TJP2: variants seen among roughly 807,000 people sequenced by gnomAD.
TJP2 encodes the protein tight junction protein 2.
Under a neutral mutation model 133.1 loss-of-function variants are expected in TJP2, and 91 were observed. The ratio of observed to expected loss-of-function variants is 0.68; its 90% CI spans 0.58 to 0.81. The LOEUF (loss-of-function observed/expected upper bound fraction) is 0.81. Ranked by LOEUF, TJP2 falls within the 40% of genes least tolerant of loss-of-function variation. The probability of loss-of-function intolerance (pLI) is 0.00; values close to 1 mark genes in which losing one functional copy is unlikely to be tolerated. For synonymous variants in TJP2, 592 were observed against 583.4 expected (o/e 1.01, Z -0.21); for missense variants, 1,541 against 1,565.6 (o/e 0.98, Z 0.26).
intron 11 of TJP2, 69 bp from the exon 12 acceptor site, chr9:69,234,370 T>TTTTGTTTCTTTC: frequency 9.0e-7 from 1 of 1,117,174 alleles, no homozygotes; most frequent in Non-Finnish European, 1.3e-6. Flanking sequence ...CTTCTCTGTT[T>TTTTGTTTCTTTC]TTTCTTTCTT....
rs369180347 is a variant in TJP2, at chr9:69,234,553, C to A, written c.1780+6C>A. On this transcript the variant is annotated splice_donor_region_variant and intron_variant, in intron 12 of 22. Transcript: ENST00000377245. ...AGCTCAGAGCCGAGCCGATGGTGAG[C>A]AAATTTGGTCATTTAGTTTAGTTGG... The A allele has an allele frequency of 4.4e-5, 30 of 677,972 alleles. No homozygotes were observed. The African/African-American group carries it at 4.9e-4, about 11-fold the overall frequency. 42.0% of individuals were successfully genotyped at this position (677,972 alleles called of 1,614,324 possible). A position where few individuals can be genotyped will look rare whatever the true frequency, so the allele number is the denominator to read the frequency against.
At chr9:69,140,283 G>A (rs773971967) in intron 1 of TJP2, among the ~76,000 whole-genome samples, 2 of 152,208 alleles carry the variant, frequency 1.3e-5, no homozygotes, top group South Asian at 4.1e-4. Context: ...TGCTTTCCAT[G>A]TAATAACTGG....
rs11308693 is a variant in TJP2, at chr9:69,221,863, C to CTT, written c.952+385_952+386dup. Among the ~76,000 whole-genome samples, 620 of 112,236 alleles carry CTT rather than the reference C, an allele frequency of 5.5e-3. 12 individuals carry two copies. Among genetic ancestry groups the CTT allele is most frequent in the South Asian group, 0.029 (93 of 3,188 alleles). 73.6% of individuals were successfully genotyped at this position (112,236 alleles called of 152,430 possible). On this transcript the variant is annotated intron_variant, in intron 5 of 22. Transcript: ENST00000377245. ...CACCACGCCTGGCCAGGAATAGCTACTTTTTTTTTTTTTTTTTTTGAGACG... is the reference window on the plus strand; with the variant it reads ...CACCACGCCTGGCCAGGAATAGCTACTTTTTTTTTTTTTTTTTTTTTGAGACG...
Position 69,137,851 on chromosome 9 carries a change from C to A in TJP2, c.-130-13800C>A, listed in dbSNP as rs62567101. On this transcript the variant is annotated intron_variant, in intron 1 of 5. Coordinates refer to the TJP2 transcript ENST00000423935. ...GGTAATATCTCAGCAGGCTCCATTT[C>A]TTTCTCGTGACAATGTGCAGTCATT... Among the ~76,000 whole-genome samples the A allele has an allele frequency of 7.5e-4, 114 of 152,276 alleles. No individual in the cohort carries two copies. The Middle Eastern group carries it at 0.01, about 14-fold the overall frequency.
Position 69,237,064 on chromosome 9 carries a change from C to G in TJP2, c.2107C>G (p.Arg703Gly). The G allele has an allele frequency of 6.2e-7, 1 of 1,614,118 alleles. No homozygotes were observed. The highest frequency in any genetic ancestry group is 8.5e-7 in the Non-Finnish European group (1 of 1,180,032). Residue 703 changes from arginine to glycine, a missense_variant, in exon 14 of 23, where the codon CGG becomes GGG. By Grantham distance (125) the Arg-to-Gly change is moderately radical (BLOSUM62 -2). Transcript: ENST00000377245. Reference sequence around the variant, plus strand: ...GGTGAAGAAGAACCTGAGGAAAAGTCGGGAAGACCTCACAGCTGTTGTGTC... The same window carrying G: ...GGTGAAGAAGAACCTGAGGAAAAGTGGGGAAGACCTCACAGCTGTTGTGTC... Reference protein sequence around the residue: ...SGVKKNLRKSREDLTAVVSVS... With the variant: ...SGVKKNLRKSGEDLTAVVSVS...
At chr9:69,225,850 A>T (rs960868721) in intron 6 of TJP2, among the ~76,000 whole-genome samples, 172 bp from the exon 7 acceptor site, 1 of 152,232 alleles carries the variant, frequency 6.6e-6, no homozygotes, top group Non-Finnish European at 1.5e-5. Flanking sequence ...GGATCCAGGC[A>T]TGCAGGATTA....
rs199704587 is a variant in TJP2, at chr9:69,249,378, A to C, written c.2884A>C (p.Ile962Leu). 1.2e-6 allele frequency: 2 copies of C among 1,608,470 alleles called. No homozygotes were observed. Among genetic ancestry groups the C allele is most frequent in the East Asian group, 4.5e-5 (2 of 44,752 alleles). ...SSEPVQHEES[I>L]RKPSPEPRAQ... The stretch of plus-strand genomic sequence containing the variant: ...AATGAACCTTTATGTCTTGTAGAGC[A>C]TAAGGAAACCCAGCCCAGAGCCACG... Residue 962 changes from isoleucine to leucine, a missense_variant, in exon 20 of 23, where the codon ATA becomes CTA. Ile to Leu is a conservative substitution (Grantham distance 5, BLOSUM62 2). Transcript: ENST00000377245.
upstream of TJP2, chr9:69,173,987 G>A: frequency 6.1e-6 from 6 of 985,284 alleles, no homozygotes; most frequent in Non-Finnish European, 7.2e-6. Flanking sequence ...GGGGGCTGCG[G>A]GCCGCTCGGG....
intron 1 of TJP2, among the ~76,000 whole-genome samples, chr9:69,191,122 T>C (rs1826175763): frequency 7.9e-6 from 1 of 125,968 alleles, no homozygotes; most frequent in South Asian, 2.5e-4. Flanking sequence ...AAGGGTTGGA[T>C]CTGAGCACTG....
intron 17 of TJP2, among the ~76,000 whole-genome samples, chr9:69,245,808 T>C (rs1298971535): frequency 1.3e-5 from 2 of 152,242 alleles, no homozygotes; most frequent in Non-Finnish European, 2.9e-5. Flanking sequence ...AGTGCTATTA[T>C]GTAAGATATA....
intron 1 of TJP2, chr9:69,205,381 A>G (rs768853489): frequency 2.1e-6 from 3 of 1,461,048 alleles, no homozygotes; most frequent in Non-Finnish European, 2.7e-6. Context: ...GTGAGATTGT[A>G]GGTTGTAGTC....
chr9:69,196,946 T>TACACGCACACACAC (rs1826613461), intron 1 of TJP2, among the ~76,000 whole-genome samples: 1 of 134,170 alleles, frequency 7.5e-6, no homozygotes, highest in Admixed American at 7.4e-5. Flanking sequence ...TGTGTGTGTG[T>TACACGCACACACAC]ACACACACAC....
At chr9:69,188,191 GT>G (rs1466901172) in intron 1 of TJP2, among the ~76,000 whole-genome samples, 6 of 152,206 alleles carry the variant, frequency 3.9e-5, no homozygotes, top group Non-Finnish European at 7.3e-5. Context: ...GGTGTGGTTT[GT>G]TTTGCTGTAA....
In TJP2 at chr9:69,246,918, A is replaced by G. The variant is rs988539643; in HGVS notation, c.2667+128A>G. The stretch of plus-strand genomic sequence containing the variant: ...CTCACATGTGTGCTAATCAAGTTTG[A>G]AATTTCGTAAATTCTCTGACCAAGT... On this transcript the variant is annotated intron_variant, in intron 18 of 22. Transcript: ENST00000377245. 4.8e-6 allele frequency: 4 copies of G among 830,658 alleles called. No individual in the cohort carries two copies. In the African/African-American group the frequency reaches 6.8e-5, roughly 14 times the overall value. 51.5% of individuals were successfully genotyped at this position (830,658 alleles called of 1,614,324 possible).
intron 2 of TJP2, among the ~76,000 whole-genome samples, chr9:69,167,257 T>A (rs539627700): frequency 1.3e-5 from 2 of 152,044 alleles, no homozygotes. Flanking sequence ...TAAAAATAAA[T>A]AAATAAAAAT....
rs1831603471 is a variant in TJP2, at chr9:69,255,108, A to T, written c.*734A>T. On this transcript the variant is annotated 3_prime_UTR_variant, in exon 23 of 23. Coordinates refer to ENST00000377245, the MANE Select transcript of TJP2 (RefSeq NM_004817.4). The stretch of plus-strand genomic sequence containing the variant: ...TTGTTTGTTTAAACCCAAGTGCTGC[A>T]CAAAAGCAGATACTTGAGGAAAACA... The T allele has an allele frequency of 6.5e-6, 1 of 153,094 alleles. No individual in the cohort carries two copies. Among genetic ancestry groups the T allele is most frequent in the Admixed American group, 6.5e-5 (1 of 15,306 alleles). 9.5% of individuals were successfully genotyped at this position (153,094 alleles called of 1,614,324 possible). A position where few individuals can be genotyped will look rare whatever the true frequency, so the allele number is the denominator to read the frequency against.
chr9:69,254,694 G>A lies in TJP2; in HGVS notation c.*320G>A. Reference sequence around the variant, plus strand: ...GTACTTGTAATATGTATATTAAGAAGCAATAACTATTTTTCCTCATTAATA... The same window carrying A: ...GTACTTGTAATATGTATATTAAGAAACAATAACTATTTTTCCTCATTAATA... On this transcript the variant is annotated 3_prime_UTR_variant, in exon 23 of 23. Coordinates refer to ENST00000377245, the MANE Select transcript of TJP2 (RefSeq NM_004817.4). 1 of 571,530 alleles carries A rather than the reference G, an allele frequency of 1.7e-6. No homozygotes were observed. Among genetic ancestry groups the A allele is most frequent in the Non-Finnish European group, 3.1e-6 (1 of 322,048 alleles). The allele number at this position is 571,530 out of a possible 1,614,324, so 35.4% of individuals were successfully genotyped here.
At chr9:69,136,404 A>T (rs778455061) in intron 1 of TJP2, among the ~76,000 whole-genome samples, 3 of 152,216 alleles carry the variant, frequency 2.0e-5, no homozygotes, top group Non-Finnish European at 4.4e-5. Flanking sequence ...TAAAATGTAC[A>T]GTTCATTTTA....
At chr9:69,187,899 G>A (rs1588006032) in intron 1 of TJP2, among the ~76,000 whole-genome samples, 1 of 152,190 alleles carries the variant, frequency 6.6e-6, no homozygotes, top group African/African-American at 2.4e-5. Context: ...CACTGGGGGT[G>A]TATTCTCTCC....
Sources: allele counts gnomAD v4.1 joint callset (sites outside exome capture counted in the v4.1 genomes callset), GRCh38; gene constraint gnomAD v4.1.1; transcripts MANE v1.5; gene names NCBI Gene and HGNC (gene_info 2026-07-23, HGNC 2026-07-21).